ZNF48: variants seen among roughly 807,000 people sequenced by gnomAD.
The protein encoded by ZNF48 is zinc finger protein 553.
Under a neutral mutation model 40.0 loss-of-function variants are expected in ZNF48, and 20 were observed. The ratio of observed to expected loss-of-function variants is 0.50; its 90% CI spans 0.35 to 0.73. The LOEUF is 0.73. Among genes scored for constraint, ZNF48 ranks in the 30% least tolerant of loss-of-function variants. ZNF48 has a pLI of 0.01. For missense variants in ZNF48, 726 were observed against 851.9 expected (o/e 0.85, Z 1.84); for synonymous variants, 298 against 329.7 (o/e 0.90, Z 1.04).
intron 1 of ZNF48, chr16:30,378,764 G>A (rs2049790516): frequency 6.6e-7 from 1 of 1,512,790 alleles, no homozygotes; most frequent in African/African-American, 1.4e-5. Flanking sequence ...GTGAGGCCCA[G>A]GAGGCAGGGC....
In ZNF48 at chr16:30,399,042, C is replaced by T. The variant is rs796260736; in HGVS notation, c.1792C>T (p.Pro598Ser). The T allele has an allele frequency of 4.3e-6, 7 of 1,612,842 alleles. No individual in the cohort carries two copies. The African/African-American group carries it at 8.0e-5, about 18-fold the overall frequency. The change falls in exon 3 of 3, where the codon CCC (proline) becomes TCC (serine). Residue 598 changes from proline to serine, a missense_variant. Physicochemically the swap from Pro to Ser is moderately conservative, Grantham distance 74. Coordinates refer to ENST00000613509, the MANE Select transcript of ZNF48 (RefSeq NM_001214909.2). ...KHQRGHLVLT[P>S]FGIGDGRARP... ...CCAGCGTGGGCACCTGGTCCTGACG[C>T]CCTTTGGGATAGGGGATGGTAGGGC...
chr16:30,389,585 A>C (rs1425784575), intron 1 of ZNF48, among the ~76,000 whole-genome samples: 1 of 150,780 alleles, frequency 6.6e-6, no homozygotes, highest in Non-Finnish European at 1.5e-5. Flanking sequence ...AAAAAAAAAA[A>C]AAAAGGCTCT....
chr16:30,378,780 G>A, intron 1 of ZNF48: 1 of 1,402,014 alleles, frequency 7.1e-7, no homozygotes. Context: ...AGGGCCTGGG[G>A]CGAGGTTGGG....
intron 1 of ZNF48, chr16:30,379,918 T>C (rs931734234): frequency 6.9e-7 from 1 of 1,440,786 alleles, no homozygotes; most frequent in Non-Finnish European, 9.7e-7. Context: ...GCCTTCCTTC[T>C]TTGTTTCCCA....
chr16:30,381,461 C>G lies in ZNF48; in HGVS notation c.-16+3051C>G. ...CAAATTGCTCCTCGATGAATTTCAC[C>G]ACCGGAAGCCAGCTGGGTGTGGGGA... On this transcript the variant is annotated intron_variant, in intron 1 of 2. Coordinates refer to the ZNF48 transcript ENST00000528032. The surrounding 1 kb of genome is among the most constrained non-coding windows in gnomAD (Gnocchi z 4.3). 1 of 1,614,000 alleles carries G rather than the reference C, an allele frequency of 6.2e-7. No homozygotes were observed. The highest frequency in any genetic ancestry group is 8.5e-7 in the Non-Finnish European group (1 of 1,180,008).
rs2049915913 is a variant in ZNF48 at position 30,388,171 on chromosome 16, TC to T, written c.-15-7608del. ...GTATTTTTAGTAGAGATGGGGTTTC[TC>T]AGTGTTGGTCAGGCTGGTCTCGAAT... On this transcript the variant is annotated intron_variant, in intron 1 of 2. Transcript: ENST00000528032. Among the ~76,000 whole-genome samples, 4 of 152,000 alleles carry T rather than the reference TC, an allele frequency of 2.6e-5. No homozygotes were observed. In the South Asian group the frequency reaches 8.3e-4, roughly 32 times the overall value.
chr16:30,395,059 T>A (rs2151116988), upstream of ZNF48: 1 of 290,444 alleles, frequency 3.4e-6, no homozygotes, highest in Admixed American at 3.8e-5. This position sits in a 1 kb window ranked among gnomAD's most constrained non-coding sequence, Gnocchi z 5.9. Context: ...CCGCCCTTTG[T>A]CTGCCTTGGT....
At chr16:30,391,838 TGGCGGGGGGG>T (rs2049944543), upstream of ZNF48, among the ~76,000 whole-genome samples, 1 of 51,092 alleles carries the variant, frequency 2.0e-5, no homozygotes, top group Non-Finnish European at 3.8e-5. Context: ...CCTTTTTTTT[TGGCGGGGGGG>T]TGGGGGTGGG....
chr16:30,398,474 C>T lies in ZNF48; in HGVS notation c.1224C>T (p.Thr408=), dbSNP rs2050013109. 2 of 1,586,634 alleles carry T rather than the reference C, an allele frequency of 1.3e-6. No homozygotes were observed. Among genetic ancestry groups the T allele is most frequent in the Non-Finnish European group, 1.7e-6 (2 of 1,164,542 alleles). Residue 408 remains threonine, a synonymous_variant, in exon 3 of 3, where the codon ACC becomes ACT. Transcript: ENST00000613509. The surrounding 1 kb of genome is among the most constrained non-coding windows in gnomAD (Gnocchi z 6.6). ...IPSPPPPPLG[T]SPPLTPRSPS... ...GCCCACCCCCACCTCCTCTGGGCAC[C>T]AGCCCCCCGCTGACACCTCGAAGTC...
At chr16:30,392,303 G>T (rs1411360220), upstream of ZNF48, among the ~76,000 whole-genome samples, 1 of 152,128 alleles carries the variant, frequency 6.6e-6, no homozygotes, top group African/African-American at 2.4e-5. Flanking sequence ...GATTACAGGA[G>T]TGAGCCACCG....
chr16:30,379,639 TC>T (rs144635751), intron 1 of ZNF48: 3 of 476,206 alleles, frequency 6.3e-6, no homozygotes, highest in Non-Finnish European at 7.1e-6. Context: ...TGCCCCTTCC[TC>T]TTTTTTTTTT....
chr16:30,379,640 C>CTTTTT (rs71149011), intron 1 of ZNF48: 10,511 of 236,852 alleles, frequency 0.044, 359 homozygotes, highest in South Asian at 0.09. Context: ...GCCCCTTCCT[C>CTTTTT]TTTTTTTTTT....
In ZNF48 at chr16:30,386,654, AT is replaced by A. The variant is rs1028398906; in HGVS notation, c.-16+8254del. ...ATATATTTTTTAATGTGATATCACC[AT>A]TTTTTTTTTCTTGAGATGGAGTTTC... On this transcript the variant is annotated intron_variant, in intron 1 of 2. Transcript: ENST00000528032. Among the ~76,000 whole-genome samples the A allele has an allele frequency of 1.4e-3, 214 of 149,466 alleles. 1 individual carries two copies. The highest frequency in any genetic ancestry group is 4.3e-3 in the African/African-American group (174 of 40,828).
Position 30,385,495 on chromosome 16 carries a change from C to T in ZNF48, c.-16+7085C>T, listed in dbSNP as rs577062391. ...CAAAAATTAGTTGGATGTGGTGGCG[C>T]GTGCCTGTAATCCCAGCTACTTGGG... is the stretch of plus-strand genomic sequence containing the variant. On this transcript the variant is annotated intron_variant, in intron 1 of 2. Transcript: ENST00000528032. Among the ~76,000 whole-genome samples, 14 of 151,988 alleles carry T rather than the reference C, an allele frequency of 9.2e-5. No homozygotes were observed. The South Asian group carries it at 2.9e-3, about 32-fold the overall frequency.
In ZNF48 at chr16:30,397,300, A is replaced by C. The variant is rs749270924; in HGVS notation, c.80-30A>C. 1 of 1,572,384 alleles carries C rather than the reference A, an allele frequency of 6.4e-7. No homozygotes were observed. Among genetic ancestry groups the C allele is most frequent in the Admixed American group, 1.9e-5 (1 of 53,982 alleles). On this transcript the variant is annotated intron_variant, in intron 2 of 2. Transcript: ENST00000613509. This position sits in a 1 kb window ranked among gnomAD's most constrained non-coding sequence, Gnocchi z 4.1. ...AAAGATAAGTACCGAGCCAAAGGGG[A>C]GGGTCTACAACTTCCTTTTCTTTCC...
Position 30,381,445 on chromosome 16 carries a change from C to T in ZNF48, c.-16+3035C>T. 1 of 1,613,970 alleles carries T rather than the reference C, an allele frequency of 6.2e-7. No individual in the cohort carries two copies. The highest frequency in any genetic ancestry group is 8.5e-7 in the Non-Finnish European group (1 of 1,179,994). ...TCCCTAAGGTACTGCTCAAATTGCT[C>T]CTCGATGAATTTCACCACCGGAAGC... On this transcript the variant is annotated intron_variant, in intron 1 of 2. Coordinates refer to the ZNF48 transcript ENST00000528032. This position sits in a 1 kb window ranked among gnomAD's most constrained non-coding sequence, Gnocchi z 4.3.
Position 30,397,700 on chromosome 16 carries a change from G to A in ZNF48, c.450G>A (p.Gly150=). The A allele has an allele frequency of 6.2e-7, 1 of 1,612,338 alleles. No individual in the cohort carries two copies. Among genetic ancestry groups the A allele is most frequent in the South Asian group, 1.1e-5 (1 of 91,002 alleles). ...GTGGGGTCTGTGGCAAGGGCTTTGGGGATAGCTCTGCCCGGATCAAACACC... is the reference window on the plus strand; with the variant it reads ...GTGGGGTCTGTGGCAAGGGCTTTGGAGATAGCTCTGCCCGGATCAAACACC... ...YKCGVCGKGF[G]DSSARIKHQR... Residue 150 remains glycine, a synonymous_variant, in exon 3 of 3, where the codon GGG becomes GGA. Coordinates refer to ENST00000613509, the MANE Select transcript of ZNF48 (RefSeq NM_001214909.2). The surrounding 1 kb of genome is among the most constrained non-coding windows in gnomAD (Gnocchi z 4.1).
Position 30,381,600 on chromosome 16 carries a change from TG to T in ZNF48, c.-16+3195del. ...CTCCAAAGACATTAAGGGGAACTGG[TG>T]GGGGCCTAGGTGAGTCATCAAGAAG... is the stretch of plus-strand genomic sequence containing the variant. On this transcript the variant is annotated intron_variant, in intron 1 of 2. Coordinates refer to the ZNF48 transcript ENST00000528032. This position sits in a 1 kb window ranked among gnomAD's most constrained non-coding sequence, Gnocchi z 4.3. 2 of 1,463,000 alleles carry T rather than the reference TG, an allele frequency of 1.4e-6. No homozygotes were observed. Among genetic ancestry groups the T allele is most frequent in the Non-Finnish European group, 9.4e-7 (1 of 1,065,644 alleles). 90.6% of individuals were successfully genotyped at this position (1,463,000 alleles called of 1,614,324 possible). A position where few individuals can be genotyped will look rare whatever the true frequency, so the allele number is the denominator to read the frequency against.
chr16:30,381,230 T>A lies in ZNF48; in HGVS notation c.-16+2820T>A. 1.9e-6 allele frequency: 3 copies of A among 1,613,890 alleles called. No homozygotes were observed. Among genetic ancestry groups the A allele is most frequent in the Non-Finnish European group, 2.5e-6 (3 of 1,179,950 alleles). ...GTGTACTGCCCGGAGGAAGGCCACA[T>A]CTAGGGGCCGGAGCCTGCACCCAGG... On this transcript the variant is annotated intron_variant, in intron 1 of 2. Transcript: ENST00000528032. The surrounding 1 kb of genome is among the most constrained non-coding windows in gnomAD (Gnocchi z 4.3).
Sources: gnomAD v4.1 joint callset for allele counts (sites outside exome capture counted in the v4.1 genomes callset) on GRCh38, gnomAD v4.1.1 for gene constraint, Gnocchi (gnomAD v3.1) non-coding constraint, MANE v1.5 for transcripts, NCBI Gene and HGNC (gene_info 2026-07-23, HGNC 2026-07-21) for gene names.